The following MNAT1 variants were observed in gnomAD, a reference collection of about 807,000 sequenced individuals.
The protein encoded by MNAT1 is CDK-activating kinase assembly factor MAT1.
MNAT1 carries 43 observed loss-of-function variants against 42.0 expected under a neutral mutation model. That is an observed-to-expected ratio of 1.02 (90% CI 0.80 to 1.32). The LOEUF is 1.32. Ranked by LOEUF, MNAT1 falls within the 40% of genes most tolerant of loss-of-function variation. MNAT1 has a pLI of 0.00. For missense variants in MNAT1, 306 were observed against 350.4 expected (o/e 0.87, Z 1.01); for synonymous variants, 118 against 120.0 (o/e 0.98, Z 0.11).
At chr14:60,747,792 T>G (rs1041374776) in intron 1 of MNAT1, among the ~76,000 whole-genome samples, 3 of 152,254 alleles carry the variant, frequency 2.0e-5, no homozygotes, top group African/African-American at 7.2e-5. Context: ...TATTTTCTTT[T>G]GAACTGTTTG....
At chr14:60,867,114 A>G (rs550424009) in intron 6 of MNAT1, among the ~76,000 whole-genome samples, 13 of 152,176 alleles carry the variant, frequency 8.5e-5, no homozygotes, top group African/African-American at 2.6e-4. Flanking sequence ...CCAAGTGAAG[A>G]TGTATTTAGA....
chr14:60,766,383 C>G (rs570628786), intron 1 of MNAT1, among the ~76,000 whole-genome samples: 2 of 151,010 alleles, frequency 1.3e-5, no homozygotes, highest in African/African-American at 2.4e-5. Context: ...CAAATTACTC[C>G]CCCTTACTCC....
chr14:60,905,552 G>A (rs1369526267), intron 7 of MNAT1, among the ~76,000 whole-genome samples: 1 of 152,182 alleles, frequency 6.6e-6, no homozygotes, highest in Non-Finnish European at 1.5e-5. Context: ...GAAGTTCATA[G>A]TATAACTCAC....
Position 60,811,989 on chromosome 14 carries a change from T to C in MNAT1, c.423T>C (p.Thr141=). 6.3e-7 allele frequency: 1 copy of C among 1,576,154 alleles called. No homozygotes were observed. ...DVIQKNKLKL[T]REQEELEEAL... is the part of the protein sequence containing the mutation. ...CCATATATAAATTTTTGTTTTAGAC[T>C]CGAGAACAGGAAGAACTGGAAGAAG... The change falls in exon 5 of 8, where the codon ACT becomes ACC. Residue 141 remains threonine (T), a splice_region_variant and synonymous_variant. Transcript: ENST00000261245.
intron 7 of MNAT1, among the ~76,000 whole-genome samples, chr14:60,890,247 T>C (rs1358838992): frequency 1.3e-5 from 2 of 152,218 alleles, no homozygotes; most frequent in Non-Finnish European, 2.9e-5. Flanking sequence ...GTGGCACATA[T>C]ACACCATGAT....
chr14:60,956,963 G>A (rs2036498240), intron 7 of MNAT1, among the ~76,000 whole-genome samples: 1 of 151,860 alleles, frequency 6.6e-6, no homozygotes, highest in South Asian at 2.1e-4. Context: ...CTTTTGATTG[G>A]CAAATTTAGT....
intron 7 of MNAT1, among the ~76,000 whole-genome samples, chr14:60,962,764 C>G (rs1418189584): frequency 6.6e-6 from 1 of 152,104 alleles, no homozygotes; most frequent in Non-Finnish European, 1.5e-5. Flanking sequence ...CTTTTAATTT[C>G]CAAATATGAG....
intron 7 of MNAT1, among the ~76,000 whole-genome samples, chr14:60,912,143 C>G (rs2035385355): frequency 6.6e-6 from 1 of 152,072 alleles, no homozygotes; most frequent in African/African-American, 2.4e-5. Flanking sequence ...AGGATTGCAA[C>G]CCCTGCCTTT....
chr14:60,928,546 C>T (rs911051517), intron 7 of MNAT1, among the ~76,000 whole-genome samples: 18 of 152,022 alleles, frequency 1.2e-4, no homozygotes, highest in Non-Finnish European at 7.4e-5. Context: ...ACCATTGTTG[C>T]GAGTAAAAAT....
intron 1 of MNAT1, among the ~76,000 whole-genome samples, chr14:60,770,819 G>A (rs1380618290): frequency 1.3e-5 from 2 of 152,058 alleles, no homozygotes; most frequent in African/African-American, 4.8e-5. Context: ...TCAGCATTGT[G>A]TTTATGAGTT....
intron 7 of MNAT1, among the ~76,000 whole-genome samples, chr14:60,924,925 T>A (rs2035735062): frequency 6.6e-6 from 1 of 152,248 alleles, no homozygotes; most frequent in South Asian, 2.1e-4. Flanking sequence ...TAATGTAGAT[T>A]CCATATTGTA....
intron 1 of MNAT1, among the ~76,000 whole-genome samples, chr14:60,778,503 A>G (rs1320919642): frequency 1.3e-5 from 2 of 152,188 alleles, no homozygotes; most frequent in African/African-American, 2.4e-5. Flanking sequence ...GGATTAACAC[A>G]TATTCTGGGT....
At chr14:60,869,040 A>ATAT (rs1465360826) in intron 6 of MNAT1, among the ~76,000 whole-genome samples, 38 of 113,022 alleles carry the variant, frequency 3.4e-4, no homozygotes, top group African/African-American at 9.5e-4. Flanking sequence ...ATATATATAT[A>ATAT]TTTTTTTTTT....
chr14:60,922,753 G>A (rs112044737), intron 7 of MNAT1, among the ~76,000 whole-genome samples: 2 of 152,234 alleles, frequency 1.3e-5, no homozygotes, highest in African/African-American at 4.8e-5. Flanking sequence ...GATCAAGTAA[G>A]ATTTCTCCAT....
chr14:60,815,632 C>T (rs1010331312), intron 5 of MNAT1, among the ~76,000 whole-genome samples: 4 of 152,198 alleles, frequency 2.6e-5, no homozygotes, highest in African/African-American at 9.7e-5. Flanking sequence ...CATTGTTGTA[C>T]ATTGTGTGTA....
chr14:60,747,774 T>C (rs2029896477), intron 1 of MNAT1, among the ~76,000 whole-genome samples: 1 of 152,248 alleles, frequency 6.6e-6, no homozygotes, highest in Non-Finnish European at 1.5e-5. Flanking sequence ...TTTTACTTTA[T>C]AAATTTTTAT....
At chr14:60,886,532 A>G (rs1253058885) in intron 7 of MNAT1, among the ~76,000 whole-genome samples, 1 of 151,872 alleles carries the variant, frequency 6.6e-6, no homozygotes, top group Admixed American at 6.6e-5. Context: ...TAATGTTTTG[A>G]TTACATTACA....
chr14:60,750,286 G>A (rs1259685394), intron 1 of MNAT1, among the ~76,000 whole-genome samples: 1 of 151,472 alleles, frequency 6.6e-6, no homozygotes, highest in Non-Finnish European at 1.5e-5. Context: ...GAGTGCAGTG[G>A]CGCGATCTCG....
Position 60,769,614 on chromosome 14 carries a change from C to A in MNAT1, c.90-26603C>A, listed in dbSNP as rs1434695671. ...TTATTTTACTGTGGTAAAAAACACACAACATGAAATTTACCATTTTAACTG... is the reference window on the plus strand; with the variant it reads ...TTATTTTACTGTGGTAAAAAACACAAAACATGAAATTTACCATTTTAACTG... On this transcript the variant is annotated intron_variant, in intron 1 of 7. Transcript: ENST00000261245. 7.9e-5 allele frequency among the ~76,000 whole-genome samples: 12 copies of A among 151,812 alleles called. 2 individuals carry two copies. The highest frequency in any genetic ancestry group is 7.9e-4 in the Admixed American group (12 of 15,244).
Sources: gnomAD v4.1 joint callset for allele counts (sites outside exome capture counted in the v4.1 genomes callset) on GRCh38, gnomAD v4.1.1 for gene constraint, MANE v1.5 for transcripts, NCBI Gene and HGNC (gene_info 2026-07-23, HGNC 2026-07-21) for gene names.